The following BRWD1 variants were observed in gnomAD, a reference collection of about 807,000 sequenced individuals.
The protein encoded by BRWD1 is bromodomain and WD repeat domain containing 1.
In BRWD1, 82 loss-of-function variants were observed where a neutral mutation model predicts 251.2. The observed-to-expected ratio is 0.33, with a 90% CI of 0.27 to 0.39. The LOEUF (loss-of-function observed/expected upper bound fraction) is 0.39. Among genes scored for constraint, BRWD1 ranks in the 10% least tolerant of loss-of-function variants. The pLI is 1.00. For synonymous variants in BRWD1, 918 were observed against 902.8 expected (o/e 1.02, Z -0.30); for missense variants, 2,233 against 2,711.6 (o/e 0.82, Z 3.92).
At chr21:39,309,661 A>G (rs186060656) in intron 4 of BRWD1, among the ~76,000 whole-genome samples, 244 of 151,956 alleles carry the variant, frequency 1.6e-3, no homozygotes, top group Middle Eastern at 3.4e-3. Context: ...CGCCTCTACT[A>G]AAAATACAGA....
In BRWD1 at chr21:39,187,760, T is replaced by G. The variant is rs562640309; in HGVS notation, c.*8499A>C. The G allele has an allele frequency of 4.1e-6, 4 of 984,992 alleles. No individual in the cohort carries two copies. In the South Asian group the frequency reaches 1.9e-4, roughly 46 times the overall value. 61.0% of individuals were successfully genotyped at this position (984,992 alleles called of 1,614,324 possible). ...CTAAATCTTAACTTCATTGTTCCAG[T>G]ATTTTCTGACCTAGGTATGTGACAC... On this transcript the variant is annotated 3_prime_UTR_variant, in exon 41 of 41. Coordinates refer to ENST00000342449, the MANE Select transcript of BRWD1 (RefSeq NM_033656.4).
At chr21:39,305,406 TG>T (rs1188898007) in intron 4 of BRWD1, among the ~76,000 whole-genome samples, 13 of 152,306 alleles carry the variant, frequency 8.5e-5, no homozygotes, top group African/African-American at 3.1e-4. Context: ...GGTGAGCCTA[TG>T]GAAACTAGTA....
chr21:39,245,155 G>A (rs2034140607), intron 21 of BRWD1, among the ~76,000 whole-genome samples: 1 of 151,744 alleles, frequency 6.6e-6, no homozygotes, highest in South Asian at 2.1e-4. Flanking sequence ...GAAGGAGGAG[G>A]ACAGCTTGAG....
rs2031767649 is a variant in BRWD1, at chr21:39,195,530, A to C, written c.*729T>G. On this transcript the variant is annotated 3_prime_UTR_variant, in exon 41 of 41. Coordinates refer to ENST00000342449, the MANE Select transcript of BRWD1 (RefSeq NM_033656.4). ...GCACAATTTAAAAGAAAATGCTCTG[A>C]CTATGCTCTGGTCCTAGAGGTTTAA... 3 of 984,226 alleles carry C rather than the reference A, an allele frequency of 3.0e-6. No individual in the cohort carries two copies. Among genetic ancestry groups the C allele is most frequent in the South Asian group, 9.4e-5 (2 of 21,256 alleles). The allele number at this position is 984,226 out of a possible 1,614,324, so 61.0% of individuals were successfully genotyped here.
Position 39,189,792 on chromosome 21 carries a change from T to C in BRWD1, c.*6467A>G. On this transcript the variant is annotated 3_prime_UTR_variant, in exon 41 of 41. Coordinates refer to ENST00000342449, the MANE Select transcript of BRWD1 (RefSeq NM_033656.4). ...AACAGTTTTAGAAATATATATAGGA[T>C]ATTTCAGGGTTAGAAGTCAAATTTG... 1 of 985,156 alleles carries C rather than the reference T, an allele frequency of 1.0e-6. No homozygotes were observed. The highest frequency in any genetic ancestry group is 4.7e-5 in the South Asian group (1 of 21,278). 61.0% of individuals were successfully genotyped at this position (985,156 alleles called of 1,614,324 possible).
At chr21:39,315,507 G>A (rs542855323), upstream of BRWD1, among the ~76,000 whole-genome samples, 311 of 152,030 alleles carry the variant, frequency 2.0e-3, 3 homozygotes, top group Admixed American at 4.5e-3. Flanking sequence ...GGCAGTGCGC[G>A]CCTCTAGTCC....
intron 19 of BRWD1, among the ~76,000 whole-genome samples, chr21:39,255,336 C>T (rs968570716): frequency 2.0e-5 from 3 of 151,686 alleles, no homozygotes; most frequent in Non-Finnish European, 2.9e-5. Flanking sequence ...CGCTTGATCC[C>T]GGGAGGTGGA....
chr21:39,228,955 T>G (rs192515788), intron 26 of BRWD1, among the ~76,000 whole-genome samples: 3 of 152,288 alleles, frequency 2.0e-5, no homozygotes, highest in Admixed American at 1.3e-4. Flanking sequence ...TAGCCACATG[T>G]GACTAGTGGT....
In BRWD1 at chr21:39,209,147, A is replaced by C. The variant is rs184730055; in HGVS notation, c.4197+848T>G. ...AGAGCCTGAATTTCCAGCATGCTTC[A>C]CACTAACTTCCCCCAAATTTGCACA... On this transcript the variant is annotated intron_variant, in intron 36 of 40. Coordinates refer to ENST00000342449, the MANE Select transcript of BRWD1 (RefSeq NM_033656.4). Among the ~76,000 whole-genome samples the C allele has an allele frequency of 3.0e-3, 451 of 152,238 alleles. 1 individual carries two copies. The highest frequency in any genetic ancestry group is 5.5e-3 in the Non-Finnish European group (377 of 68,008).
chr21:39,293,454 C>T (rs1316837084), intron 8 of BRWD1, among the ~76,000 whole-genome samples: 2 of 151,148 alleles, frequency 1.3e-5, no homozygotes, highest in Non-Finnish European at 2.9e-5. Context: ...GATCACACCA[C>T]TGCACTCCAG....
upstream of BRWD1, chr21:39,317,295 A>T (rs926927651): frequency 1.4e-4 from 21 of 152,268 alleles, no homozygotes; most frequent in African/African-American, 5.1e-4. Context: ...AAATGGAAAT[A>T]ACTTTAGAGT....
upstream of BRWD1, among the ~76,000 whole-genome samples, chr21:39,318,582 C>T (rs2036720234): frequency 6.6e-6 from 1 of 152,166 alleles, no homozygotes; most frequent in Admixed American, 6.5e-5. Context: ...TGGATCACTT[C>T]ATTCATTCAT....
chr21:39,295,928 G>T, intron 6 of BRWD1, 25 bp from the exon 7 acceptor site: 1 of 1,522,754 alleles, frequency 6.6e-7, no homozygotes, highest in Non-Finnish European at 8.8e-7. Context: ...CAATGAAAAT[G>T]GTTAAGGGAG....
chr21:39,218,095 T>C (rs2033028964), intron 31 of BRWD1, 57 bp downstream of exon 31: 52 of 1,512,588 alleles, frequency 3.4e-5, no homozygotes, highest in Non-Finnish European at 4.4e-5. Context: ...TTGTTTACCC[T>C]AGTCAATATT....
At chr21:39,296,230 T>G in intron 6 of BRWD1, 35 bp downstream of exon 6, 1 of 1,493,254 alleles carries the variant, frequency 6.7e-7, no homozygotes, top group African/African-American at 1.4e-5. Context: ...TTAAAAACAA[T>G]TATTTCAGGC....
intron 1 of BRWD1, among the ~76,000 whole-genome samples, chr21:39,320,233 G>A (rs1319318257): frequency 6.6e-6 from 1 of 152,200 alleles, no homozygotes; most frequent in Non-Finnish European, 1.5e-5. Context: ...CAGGTTGATA[G>A]TAACTGCTAT....
intron 4 of BRWD1, among the ~76,000 whole-genome samples, chr21:39,303,025 C>G (rs142444292): frequency 2.6e-3 from 398 of 152,214 alleles, no homozygotes; most frequent in African/African-American, 9.1e-3. Flanking sequence ...CACCACCACA[C>G]TCCATCCTGC....
At chr21:39,293,696 T>C in intron 8 of BRWD1, 115 bp downstream of exon 8, 1 of 772,336 alleles carries the variant, frequency 1.3e-6, no homozygotes, top group South Asian at 1.8e-5. Context: ...TTATCACTTC[T>C]CTTACTTAAA....
intron 36 of BRWD1, among the ~76,000 whole-genome samples, chr21:39,207,451 A>AACATACACACAC (rs1555849302): frequency 7.6e-6 from 1 of 131,288 alleles, no homozygotes; most frequent in Non-Finnish European, 1.6e-5. Context: ...AAAAAAAGAA[A>AACATACACACAC]ACACACACAC....
Sources: allele counts gnomAD v4.1 joint callset (sites outside exome capture counted in the v4.1 genomes callset), GRCh38; gene constraint gnomAD v4.1.1; transcripts MANE v1.5; gene names NCBI Gene and HGNC (gene_info 2026-07-23, HGNC 2026-07-21).